Variants in ARHGAP15 observed in about 807,000 individuals in gnomAD.
The protein encoded by ARHGAP15 is rho GTPase-activating protein 15.
Under a neutral mutation model 63.7 loss-of-function variants are expected in ARHGAP15, and 51 were observed. That is an observed-to-expected ratio of 0.80 (90% CI 0.64 to 1.01). The LOEUF (loss-of-function observed/expected upper bound fraction) is 1.01, where lower values mean the gene tolerates loss of function less well. Among genes scored for constraint, ARHGAP15 ranks in the 50% least tolerant of loss-of-function variants. The pLI is 0.00. For missense variants in ARHGAP15, 560 were observed against 564.6 expected, an observed-to-expected ratio of 0.99 and a Z score of 0.08; for synonymous variants, 191 against 193.8, an observed-to-expected ratio of 0.99 and a Z score of 0.12.
At chr2:143,635,194 CTTTTTTT>C (rs10558886) in intron 12 of ARHGAP15, among the ~76,000 whole-genome samples, 2 of 26,882 alleles carry the variant, frequency 7.4e-5, no homozygotes, top group Non-Finnish European at 1.2e-4. Flanking sequence ...CTCTCAGGAG[CTTTTTTT>C]TTTTTTTTTT....
At chr2:143,466,453 T>C (rs1691216766) in intron 8 of ARHGAP15, among the ~76,000 whole-genome samples, 1 of 152,026 alleles carries the variant, frequency 6.6e-6, no homozygotes, top group African/African-American at 2.4e-5. Context: ...AATCAGCATA[T>C]ATATTTGTCC....
At chr2:143,470,212 A>G (rs910339986) in intron 8 of ARHGAP15, among the ~76,000 whole-genome samples, 2 of 151,848 alleles carry the variant, frequency 1.3e-5, no homozygotes, top group African/African-American at 4.8e-5. Context: ...AAAGAGCTCA[A>G]CATGATTTGG....
At chr2:143,762,570 A>T (rs1199831245) in intron 13 of ARHGAP15, among the ~76,000 whole-genome samples, 1 of 152,174 alleles carries the variant, frequency 6.6e-6, no homozygotes, top group Non-Finnish European at 1.5e-5. Context: ...TCAGACTTGT[A>T]TATGGTAGGT....
chr2:143,702,180 G>A (rs1684120103), intron 12 of ARHGAP15, among the ~76,000 whole-genome samples: 1 of 152,176 alleles, frequency 6.6e-6, no homozygotes, highest in Non-Finnish European at 1.5e-5. Flanking sequence ...AGAAGTTAAA[G>A]TATAGAAAGG....
intron 10 of ARHGAP15, among the ~76,000 whole-genome samples, chr2:143,552,995 G>A (rs1003305422): frequency 3.3e-5 from 5 of 152,130 alleles, no homozygotes; most frequent in Admixed American, 6.5e-5. Context: ...AGGATAATGT[G>A]GTCATGAAAA....
At chr2:143,300,013 T>A (rs1682823797) in intron 6 of ARHGAP15, among the ~76,000 whole-genome samples, 1 of 152,082 alleles carries the variant, frequency 6.6e-6, no homozygotes, top group Admixed American at 6.6e-5. Context: ...GGCAGCAAGA[T>A]ACTTACCTCA....
chr2:143,239,448 C>A (rs528090928), intron 5 of ARHGAP15, among the ~76,000 whole-genome samples: 5 of 152,146 alleles, frequency 3.3e-5, no homozygotes, highest in East Asian at 1.9e-4. Context: ...CTCCCCATAC[C>A]CTTCCCCCAA....
At chr2:143,222,501 G>A (rs1693040735) in intron 4 of ARHGAP15, among the ~76,000 whole-genome samples, 1 of 152,170 alleles carries the variant, frequency 6.6e-6, no homozygotes, top group South Asian at 2.1e-4. Context: ...GTTAAACCCG[G>A]AGTTTAAGCT....
chr2:143,317,020 A>G (rs534383672), intron 6 of ARHGAP15, among the ~76,000 whole-genome samples: 51 of 152,278 alleles, frequency 3.3e-4, no homozygotes, highest in African/African-American at 1.2e-3. Context: ...TATTGCATTT[A>G]AACTAAACTT....
At chr2:143,673,754 G>GTATATATATATATATATATA (rs1166388931) in intron 12 of ARHGAP15, among the ~76,000 whole-genome samples, 17 of 31,422 alleles carry the variant, frequency 5.4e-4, no homozygotes, top group Non-Finnish European at 1.1e-3. Context: ...GTGTGTGTGT[G>GTATATATATATATATATATA]TGTGTATATA....
Position 143,315,256 on chromosome 2 carries a change from G to A in ARHGAP15, c.474+64656G>A, listed in dbSNP as rs186373447. Among the ~76,000 whole-genome samples the A allele has an allele frequency of 3.6e-4, 55 of 152,192 alleles. 1 individual carries two copies. Among genetic ancestry groups the A allele is most frequent in the South Asian group, 1.5e-3 (7 of 4,822 alleles). ...ATAGCCTTATACATATTTTAAAATA[G>A]TTCCCTATACATATAACATTACGGT... On this transcript the variant is annotated intron_variant, in intron 6 of 13. Transcript: ENST00000295095.
chr2:143,448,262 G>GGGTC (rs1161940454), intron 8 of ARHGAP15, among the ~76,000 whole-genome samples: 1 of 152,122 alleles, frequency 6.6e-6, no homozygotes, highest in East Asian at 1.9e-4. Context: ...CATTGGCAAA[G>GGGTC]GGTCTCTCAC....
chr2:143,471,116 C>G (rs1553485881), intron 8 of ARHGAP15, among the ~76,000 whole-genome samples: 1 of 146,678 alleles, frequency 6.8e-6, no homozygotes, highest in Non-Finnish European at 1.5e-5. Flanking sequence ...TATATACACA[C>G]ATATACACAT....
chr2:143,330,239 GAA>G (rs1214703658), intron 6 of ARHGAP15, among the ~76,000 whole-genome samples: 1 of 150,498 alleles, frequency 6.6e-6, no homozygotes, highest in Non-Finnish European at 1.5e-5. Flanking sequence ...GAGTTTAAGT[GAA>G]AATTGGCCTA....
At chr2:143,212,314 C>T (rs1025418977) in intron 3 of ARHGAP15, among the ~76,000 whole-genome samples, 4 of 152,210 alleles carry the variant, frequency 2.6e-5, no homozygotes, top group Non-Finnish European at 5.9e-5. Context: ...TCATCTGTAT[C>T]TCAGCATGGC....
Position 143,287,892 on chromosome 2 carries a change from C to A in ARHGAP15, c.474+37292C>A, listed in dbSNP as rs1021361590. ...GTGAATGCCCAGACATATCTCACCC[C>A]TGCAGGCTATGCCTTTCAGGTGAAG... On this transcript the variant is annotated intron_variant, in intron 6 of 13. Coordinates refer to ENST00000295095, the MANE Select transcript of ARHGAP15 (RefSeq NM_018460.4). Among the ~76,000 whole-genome samples, 3 of 152,190 alleles carry A rather than the reference C, an allele frequency of 2.0e-5. No individual in the cohort carries two copies. The South Asian group carries it at 6.2e-4, about 31-fold the overall frequency.
At chr2:143,330,056 C>T (rs1412717100) in intron 6 of ARHGAP15, among the ~76,000 whole-genome samples, 1 of 120,768 alleles carries the variant, frequency 8.3e-6, no homozygotes, top group East Asian at 2.5e-4. Flanking sequence ...TGCACCACTA[C>T]ACTCCAGCAG....
At chr2:143,362,935 A>G (rs1686127649) in intron 6 of ARHGAP15, among the ~76,000 whole-genome samples, 4 of 152,206 alleles carry the variant, frequency 2.6e-5, no homozygotes, top group Non-Finnish European at 5.9e-5. Context: ...TGGTCACCAT[A>G]CTTATGTTCT....
chr2:143,591,614 C>CTTTTTTT (rs67060048), intron 11 of ARHGAP15, among the ~76,000 whole-genome samples: 11 of 123,722 alleles, frequency 8.9e-5, no homozygotes, highest in Non-Finnish European at 1.5e-4. Flanking sequence ...TTTGTTTGTT[C>CTTTTTTT]TTTTTTTTTT....
Sources: gnomAD v4.1 joint callset for allele counts (sites outside exome capture counted in the v4.1 genomes callset) on GRCh38, gnomAD v4.1.1 for gene constraint, MANE v1.5 for transcripts, NCBI Gene and HGNC (gene_info 2026-07-23, HGNC 2026-07-21) for gene names.